Variants in GRXCR1 observed in about 807,000 individuals in gnomAD.
GRXCR1 encodes glutaredoxin and cysteine rich domain containing 1.
GRXCR1 carries 27 observed loss-of-function variants against 27.3 expected under a neutral mutation model. That is an observed-to-expected ratio of 0.99 (90% CI 0.73 to 1.37). The LOEUF is 1.37. GRXCR1 is among the 40% of genes most tolerant of loss of function. GRXCR1 has a pLI of 0.00. For synonymous variants in GRXCR1, 122 were observed against 131.1 expected (o/e 0.93, Z 0.47); for missense variants, 379 against 354.4 (o/e 1.07, Z -0.56).
At chr4:42,976,121 A>G (rs1030602636) in intron 2 of GRXCR1, among the ~76,000 whole-genome samples, 64 of 152,118 alleles carry the variant, frequency 4.2e-4, no homozygotes, top group African/African-American at 1.5e-3. Context: ...GAAGTGGTCT[A>G]GCAGGTCCAT....
chr4:42,908,403 G>C (rs560189647), intron 1 of GRXCR1, among the ~76,000 whole-genome samples: 1 of 152,274 alleles, frequency 6.6e-6, no homozygotes, highest in South Asian at 2.1e-4. Context: ...GCCTGGGCTT[G>C]ATCCAGAACC....
At chr4:42,923,208 C>T (rs1747063033) in intron 1 of GRXCR1, among the ~76,000 whole-genome samples, 2 of 152,108 alleles carry the variant, frequency 1.3e-5, no homozygotes, top group South Asian at 4.1e-4. Context: ...CTAACAACTG[C>T]CTACTCAATG....
At chr4:42,927,096 A>G (rs1372866509) in intron 1 of GRXCR1, among the ~76,000 whole-genome samples, 1 of 151,962 alleles carries the variant, frequency 6.6e-6, no homozygotes, top group African/African-American at 2.4e-5. Flanking sequence ...CCTAGGATCA[A>G]ATGGGACCTC....
At chr4:42,929,033 A>C (rs1348403000) in intron 1 of GRXCR1, among the ~76,000 whole-genome samples, 1 of 151,944 alleles carries the variant, frequency 6.6e-6, no homozygotes, top group African/African-American at 2.4e-5. Context: ...AAATACATAC[A>C]CTACCATCTG....
chr4:42,933,810 G>A (rs1747388767), intron 1 of GRXCR1, among the ~76,000 whole-genome samples: 1 of 151,868 alleles, frequency 6.6e-6, no homozygotes, highest in Non-Finnish European at 1.5e-5. Flanking sequence ...TTTCAGAACT[G>A]TTGTTTAAAG....
At chr4:42,991,419 A>G (rs1711970145) in intron 2 of GRXCR1, among the ~76,000 whole-genome samples, 1 of 151,344 alleles carries the variant, frequency 6.6e-6, no homozygotes, top group Non-Finnish European at 1.5e-5. Context: ...TTTATTTTTT[A>G]TTATACATAT....
At position 43,030,367 on chromosome 4, in the gene GRXCR1, C is replaced by T. The variant is rs758035978; in HGVS notation, c.700C>T (p.Gln234Ter). 1 of 1,613,548 alleles carries T rather than the reference C, an allele frequency of 6.2e-7. No homozygotes were observed. The highest frequency in any genetic ancestry group is 8.5e-7 in the Non-Finnish European group (1 of 1,179,900). ...CCCCTGCCACCTTATACAGAGAGTACAGCATCCACATGAGTGTCCCTCTTG... is the reference window on the plus strand; with the variant it reads ...CCCCTGCCACCTTATACAGAGAGTATAGCATCCACATGAGTGTCCCTCTTG... Reference protein sequence around the residue: ...QDILTKIERVQHPHECPSCGG... With the variant: ...QDILTKIERV Residue 234 changes from glutamine to a stop codon, truncating the protein, a stop_gained, in exon 4 of 4, where the codon CAG becomes TAG. Transcript: ENST00000399770. LOFTEE classifies it high-confidence loss of function.
rs574350096 is a variant in GRXCR1, at chr4:42,965,377, A to G, written c.627+2243A>G. On this transcript the variant is annotated intron_variant, in intron 2 of 3. Coordinates refer to ENST00000399770, the MANE Select transcript of GRXCR1 (RefSeq NM_001080476.3). ...CTTATAAAAGGAAAATTACTTCTAA[A>G]TCTTTAATTCAAAATGGCAAACACT... Among the ~76,000 whole-genome samples, 4 of 152,152 alleles carry G rather than the reference A, an allele frequency of 2.6e-5. No individual in the cohort carries two copies. In the East Asian group the frequency reaches 7.7e-4, roughly 29 times the overall value.
chr4:42,930,515 G>A (rs1204485473), intron 1 of GRXCR1, among the ~76,000 whole-genome samples: 2 of 151,884 alleles, frequency 1.3e-5, no homozygotes, highest in African/African-American at 2.4e-5. Flanking sequence ...ATCCCTCTAT[G>A]TAGTTGTCTA....
chr4:43,006,150 A>G (rs1386917332), intron 2 of GRXCR1, among the ~76,000 whole-genome samples: 2 of 152,136 alleles, frequency 1.3e-5, no homozygotes, highest in East Asian at 1.9e-4. Flanking sequence ...CTTTACTTTA[A>G]TCTCTTAATC....
intron 1 of GRXCR1, among the ~76,000 whole-genome samples, chr4:42,942,045 TG>T (rs1747638115): frequency 6.6e-6 from 1 of 152,098 alleles, no homozygotes; most frequent in South Asian, 2.1e-4. Flanking sequence ...ATTCACAGCT[TG>T]TTCTTGTCCT....
In GRXCR1 at chr4:43,022,138, T is replaced by C. The variant is rs116320278; in HGVS notation, c.693+1719T>C. On this transcript the variant is annotated intron_variant, in intron 3 of 3. Coordinates refer to ENST00000399770, the MANE Select transcript of GRXCR1 (RefSeq NM_001080476.3). ...ATACCTTTTTATTTAAACAATTTGG[T>C]TTATGTGTATTATTCTCTGTACACA... is the stretch of plus-strand genomic sequence containing the variant. 4.9e-3 allele frequency among the ~76,000 whole-genome samples: 751 copies of C among 152,302 alleles called. 10 individuals carry two copies. Among genetic ancestry groups the C allele is most frequent in the African/African-American group, 0.015 (640 of 41,560 alleles).
At chr4:42,923,121 C>T (rs1420054097) in intron 1 of GRXCR1, among the ~76,000 whole-genome samples, 2 of 152,116 alleles carry the variant, frequency 1.3e-5, no homozygotes, top group Non-Finnish European at 2.9e-5. Context: ...CTGGCTTGGG[C>T]TCAGCAGAGG....
chr4:42,993,472 A>G (rs1465088900), intron 2 of GRXCR1, among the ~76,000 whole-genome samples: 1 of 152,128 alleles, frequency 6.6e-6, no homozygotes, highest in Non-Finnish European at 1.5e-5. Flanking sequence ...CGGTAAACTC[A>G]TCATAAGTGT....
At chr4:42,963,164 C>T in intron 2 of GRXCR1, 30 bp downstream of exon 2, 2 of 1,608,818 alleles carry the variant, frequency 1.2e-6, no homozygotes, top group South Asian at 1.1e-5. Flanking sequence ...AAGTCTTTTT[C>T]ATAGAACCCA....
intron 2 of GRXCR1, among the ~76,000 whole-genome samples, chr4:42,997,928 G>A (rs972512771): frequency 3.9e-5 from 6 of 152,054 alleles, no homozygotes; most frequent in Non-Finnish European, 8.8e-5. Context: ...TCTTTTCCAT[G>A]TCAATTGTTT....
chr4:42,980,726 G>A (rs972626772), intron 2 of GRXCR1, among the ~76,000 whole-genome samples: 6 of 151,938 alleles, frequency 3.9e-5, no homozygotes, highest in East Asian at 3.8e-4. Context: ...TGTTGAAAGC[G>A]GGATAGTGAA....
At chr4:42,903,595 A>G (rs1746518216) in intron 1 of GRXCR1, among the ~76,000 whole-genome samples, 1 of 147,592 alleles carries the variant, frequency 6.8e-6, no homozygotes, top group Non-Finnish European at 1.5e-5. Context: ...AGATATTCTT[A>G]ATCACAGCTT....
intron 2 of GRXCR1, among the ~76,000 whole-genome samples, chr4:43,016,884 C>A (rs967075529): frequency 4.6e-5 from 7 of 152,006 alleles, no homozygotes; most frequent in Non-Finnish European, 7.4e-5. Flanking sequence ...GTATTTCTTC[C>A]TTGGTGATTC....
Sources: gnomAD v4.1 joint callset for allele counts (sites outside exome capture counted in the v4.1 genomes callset) on GRCh38, gnomAD v4.1.1 for gene constraint, MANE v1.5 for transcripts, NCBI Gene and HGNC (gene_info 2026-07-23, HGNC 2026-07-21) for gene names.